Variants in CFAP91 observed in about 807,000 individuals in gnomAD.
The protein encoded by CFAP91 is cilia- and flagella-associated protein 91.
CFAP91 carries 85 observed loss-of-function variants against 95.9 expected under a neutral mutation model. The ratio of observed to expected loss-of-function variants is 0.89; its 90% CI spans 0.74 to 1.06. The LOEUF (loss-of-function observed/expected upper bound fraction) is 1.06. CFAP91 is among the 50% of genes least tolerant of loss of function. The probability of loss-of-function intolerance (pLI) is 0.00; values close to 1 mark genes in which losing one functional copy is unlikely to be tolerated. For missense variants in CFAP91, 962 were observed against 943.4 expected (o/e 1.02, Z -0.26); for synonymous variants, 335 against 327.5 (o/e 1.02, Z -0.25).
chr3:119,736,251 T>C (rs2054001413), intron 10 of CFAP91, among the ~76,000 whole-genome samples: 1 of 150,178 alleles, frequency 6.7e-6, no homozygotes, highest in South Asian at 2.1e-4. Context: ...CAACCACTAT[T>C]CTACTTTCTT....
At chr3:119,761,963 C>T (rs2054545195) in intron 17 of CFAP91, among the ~76,000 whole-genome samples, 1 of 151,838 alleles carries the variant, frequency 6.6e-6, no homozygotes, top group Admixed American at 6.6e-5. Context: ...TACTTCTATT[C>T]AACATAGTAC....
At chr3:119,703,984 T>C (rs1227940111) in intron 1 of CFAP91, among the ~76,000 whole-genome samples, 2 of 152,258 alleles carry the variant, frequency 1.3e-5, no homozygotes, top group East Asian at 3.8e-4. Flanking sequence ...GTTTTTCACC[T>C]GAACCTTGCA....
chr3:119,716,102 T>C (rs1171869150), intron 6 of CFAP91, among the ~76,000 whole-genome samples: 19 of 152,270 alleles, frequency 1.2e-4, no homozygotes, highest in Non-Finnish European at 2.1e-4. Context: ...AAATACTGAA[T>C]GCACATTCCT....
chr3:119,714,560 GTTTTAC>G (rs1413697525), intron 5 of CFAP91, among the ~76,000 whole-genome samples: 3 of 151,982 alleles, frequency 2.0e-5, no homozygotes, highest in Admixed American at 6.6e-5. Context: ...GTATCTTGCT[GTTTTAC>G]TTTTCTTTGA....
In CFAP91 at chr3:119,765,267, C is replaced by T. The variant is rs1269411794; in HGVS notation, c.*217C>T. On this transcript the variant is annotated 3_prime_UTR_variant, in exon 18 of 18. Transcript: ENST00000273390. ...TTCTCTTCAGTGTCTTCTAGATGCC[C>T]TACTTAAAGAGAACATTTTCTTATG... The T allele has an allele frequency of 1.3e-5, 2 of 152,112 alleles. No individual in the cohort carries two copies. The highest frequency in any genetic ancestry group is 2.4e-5 in the African/African-American group (1 of 41,434). 9.4% of individuals were successfully genotyped at this position (152,112 alleles called of 1,614,324 possible).
intron 17 of CFAP91, among the ~76,000 whole-genome samples, chr3:119,754,529 A>G (rs1294433530): frequency 2.0e-5 from 3 of 152,262 alleles, no homozygotes; most frequent in Non-Finnish European, 4.4e-5. Context: ...TCATATGAGC[A>G]GAAACATTGC....
At chr3:119,755,593 C>A (rs150243296) in intron 17 of CFAP91, among the ~76,000 whole-genome samples, 1 of 152,210 alleles carries the variant, frequency 6.6e-6, no homozygotes, top group Admixed American at 6.5e-5. Flanking sequence ...AACTCTCAAC[C>A]AAAACTAACC....
intron 3 of CFAP91, 125 bp from the exon 4 acceptor site, chr3:119,708,466 G>A (rs1219860105): frequency 3.1e-6 from 2 of 645,992 alleles, no homozygotes; most frequent in African/African-American, 3.8e-5. Context: ...TGCAGGTTAT[G>A]GAAGACTTTA....
At chr3:119,748,372 G>A (rs1241863424) in intron 16 of CFAP91, among the ~76,000 whole-genome samples, 2 of 152,118 alleles carry the variant, frequency 1.3e-5, no homozygotes, top group African/African-American at 4.8e-5. Flanking sequence ...CTCCATCCAA[G>A]TATAAATATC....
Position 119,708,690 on chromosome 3 carries a change from TA to T in CFAP91, c.443+18del. On this transcript the variant is annotated intron_variant, in intron 4 of 17. Transcript: ENST00000273390. ...ACTTTGAAAGGTAGAACATAATTAC[TA>T]ATGAATATTTGAGCCCTAATATTAT... is the stretch of plus-strand genomic sequence containing the variant. The T allele has an allele frequency of 7.1e-7, 1 of 1,398,804 alleles. No individual in the cohort carries two copies. Among genetic ancestry groups the T allele is most frequent in the South Asian group, 1.2e-5 (1 of 80,666 alleles). The allele number at this position is 1,398,804 out of a possible 1,614,324, so 86.6% of individuals were successfully genotyped here.
At position 119,740,585 on chromosome 3, in the gene CFAP91, C is replaced by T; in HGVS notation, c.1570C>T (p.Gln524Ter). ...GAAAGAAAAGCGACTGGAGTTGATC[C>T]AGGAGTTGCGCACCTGCCACGCACT... is the stretch of plus-strand genomic sequence containing the variant. ...EGKEKRLELI[Q>*]ELRTCHALQE... Residue 524 changes from glutamine to a stop codon, truncating the protein, a stop_gained, in exon 13 of 18, where the codon CAG becomes TAG. Transcript: ENST00000273390. LOFTEE classifies it high-confidence loss of function. 6.2e-7 allele frequency: 1 copy of T among 1,614,036 alleles called. No individual in the cohort carries two copies.
chr3:119,730,236 C>T lies in CFAP91; in HGVS notation c.877C>T (p.Leu293=). The change falls in exon 8 of 18, where the codon CTG becomes TTG. Residue 293 remains leucine (L), a synonymous_variant. Coordinates refer to ENST00000273390, the MANE Select transcript of CFAP91 (RefSeq NM_033364.4). ...QEIEKLQEIR[L]EVLKELLRKR... Reference sequence around the variant, plus strand: ...TACTTGAAGACTGCAGGAGATTCGCCTGGAAGTTCTAAAAGAGCTGTTGAG... The same window carrying T: ...TACTTGAAGACTGCAGGAGATTCGCTTGGAAGTTCTAAAAGAGCTGTTGAG... The T allele has an allele frequency of 1.2e-6, 2 of 1,613,508 alleles. No homozygotes were observed. The highest frequency in any genetic ancestry group is 1.7e-6 in the Non-Finnish European group (2 of 1,179,826).
chr3:119,704,462 T>G (rs2053322693), intron 1 of CFAP91, among the ~76,000 whole-genome samples: 1 of 152,216 alleles, frequency 6.6e-6, no homozygotes, highest in South Asian at 2.1e-4. Context: ...TCTCCTGCTT[T>G]CTTTCTTTGA....
chr3:119,712,651 C>G (rs1340650640), intron 5 of CFAP91, among the ~76,000 whole-genome samples: 1 of 152,112 alleles, frequency 6.6e-6, no homozygotes, highest in African/African-American at 2.4e-5. Flanking sequence ...ATAGCAGTTA[C>G]AGTTCAGCAT....
intron 8 of CFAP91, among the ~76,000 whole-genome samples, chr3:119,731,269 G>T (rs1423489618): frequency 2.0e-5 from 3 of 152,072 alleles, no homozygotes; most frequent in Non-Finnish European, 4.4e-5. Context: ...TACATGTGCA[G>T]ACTATTTATA....
At chr3:119,742,923 C>T (rs937702790) in intron 13 of CFAP91, among the ~76,000 whole-genome samples, 1 of 152,128 alleles carries the variant, frequency 6.6e-6, no homozygotes, top group Non-Finnish European at 1.5e-5. Flanking sequence ...TGGCATGTGA[C>T]TGGAAGATGA....
intron 13 of CFAP91, among the ~76,000 whole-genome samples, chr3:119,743,134 CT>C (rs1028044541): frequency 0.023 from 3,216 of 136,998 alleles, 58 homozygotes; most frequent in African/African-American, 0.051. Flanking sequence ...GTTTCCTGTG[CT>C]TTTTTTTTTT....
rs146362667 is a variant in CFAP91 at position 119,711,631 on chromosome 3, A to G, written c.500+1736A>G. Among the ~76,000 whole-genome samples the G allele has an allele frequency of 4.1e-4, 62 of 152,320 alleles. No homozygotes were observed. The East Asian group carries it at 0.012, about 28-fold the overall frequency. Reference sequence around the variant, plus strand: ...CTTAGAACTTTTTAAAGAATGAATCAGTATTCCTGAGTGAGGTCAATTCTG... The same window carrying G: ...CTTAGAACTTTTTAAAGAATGAATCGGTATTCCTGAGTGAGGTCAATTCTG... On this transcript the variant is annotated intron_variant, in intron 5 of 17. Coordinates refer to ENST00000273390, the MANE Select transcript of CFAP91 (RefSeq NM_033364.4).
In CFAP91 at chr3:119,732,375, A is replaced by T. The variant is rs771950038; in HGVS notation, c.1100A>T (p.Tyr367Phe). Residue 367 changes from tyrosine (Y) to phenylalanine (F), a missense_variant, in exon 9 of 18, where the codon TAT becomes TTT. Coordinates refer to ENST00000273390, the MANE Select transcript of CFAP91 (RefSeq NM_033364.4). ...RRNIIKDYSD[Y>F]ASQVYGPLSR... ...AATATCATCAAGGATTATTCTGATTATGCATCACAGGTCTATGGACCTCTG... is the reference window on the plus strand; with the variant it reads ...AATATCATCAAGGATTATTCTGATTTTGCATCACAGGTCTATGGACCTCTG... 5.6e-6 allele frequency: 9 copies of T among 1,612,586 alleles called. No homozygotes were observed. Among genetic ancestry groups the T allele is most frequent in the South Asian group, 5.5e-5 (5 of 90,962 alleles).
Sources: allele counts gnomAD v4.1 joint callset (sites outside exome capture counted in the v4.1 genomes callset), GRCh38; gene constraint gnomAD v4.1.1; transcripts MANE v1.5; gene names NCBI Gene and HGNC (gene_info 2026-07-23, HGNC 2026-07-21).